The following CYP24A1 variants were observed in gnomAD, a reference collection of about 807,000 sequenced individuals.
CYP24A1 encodes the protein 1,25-dihydroxyvitamin D(3) 24-hydroxylase, mitochondrial.
Under a neutral mutation model 62.4 loss-of-function variants are expected in CYP24A1, and 68 were observed. That is an observed-to-expected ratio of 1.09 (90% confidence interval 0.90 to 1.33). The LOEUF is 1.33. Ranked by LOEUF, CYP24A1 falls within the 40% of genes most tolerant of loss-of-function variation. The pLI is 0.00. For missense variants in CYP24A1, 787 were observed against 653.0 expected, an observed-to-expected ratio of 1.21 and a Z score of -2.24; for synonymous variants, 267 against 253.0, an observed-to-expected ratio of 1.06 and a Z score of -0.52.
chr20:54,165,241 A>C (rs999969900), intron 5 of CYP24A1, among the ~76,000 whole-genome samples: 13 of 152,254 alleles, frequency 8.5e-5, no homozygotes, highest in African/African-American at 2.9e-4. Flanking sequence ...CAATGGCTGC[A>C]TTAGATTCTT....
chr20:54,155,634 G>T (rs1378076633), intron 11 of CYP24A1, among the ~76,000 whole-genome samples: 5 of 151,784 alleles, frequency 3.3e-5, no homozygotes, highest in Non-Finnish European at 7.4e-5. Flanking sequence ...CTACTCGGGA[G>T]GCTGAGGCAG....
chr20:54,155,093 G>A (rs2092622827), intron 11 of CYP24A1, among the ~76,000 whole-genome samples: 1 of 151,870 alleles, frequency 6.6e-6, no homozygotes, highest in Non-Finnish European at 1.5e-5. Context: ...AAACATGCAT[G>A]CTCTTTGCTG....
Position 54,171,558 on chromosome 20 carries a change from C to A in CYP24A1, c.543+19G>T. ...TATGTCCCCACGAGCCCCAGGAAAGCTGGCCCCAGCCTGCAGACCTCATTG... is the reference window on the plus strand; with the variant it reads ...TATGTCCCCACGAGCCCCAGGAAAGATGGCCCCAGCCTGCAGACCTCATTG... On this transcript the variant is annotated intron_variant, in intron 3 of 11. Coordinates refer to ENST00000216862, the MANE Select transcript of CYP24A1 (RefSeq NM_000782.5). 6.2e-7 allele frequency: 1 copy of A among 1,613,914 alleles called. No individual in the cohort carries two copies. Among genetic ancestry groups the A allele is most frequent in the Non-Finnish European group, 8.5e-7 (1 of 1,179,848 alleles).
intron 8 of CYP24A1, among the ~76,000 whole-genome samples, chr20:54,158,720 A>G (rs890283397): frequency 6.6e-6 from 1 of 152,240 alleles, no homozygotes; most frequent in Admixed American, 6.5e-5. Flanking sequence ...TCATTAGAGT[A>G]GCAAGATTAT....
chr20:54,171,963 G>C, intron 2 of CYP24A1: 1 of 530,738 alleles, frequency 1.9e-6, no homozygotes, highest in Non-Finnish European at 3.1e-6. Flanking sequence ...CTTGCAGGGA[G>C]TGGGGCTGGG....
chr20:54,151,307 A>G (rs1601116651), downstream of CYP24A1, among the ~76,000 whole-genome samples: 1 of 152,116 alleles, frequency 6.6e-6, no homozygotes, highest in East Asian at 1.9e-4. Flanking sequence ...GCCTTTTAGC[A>G]TGTTAATACA....
chr20:54,143,704 A>G, the CYP24A1 span, among the ~76,000 whole-genome samples: 1 of 151,382 alleles, frequency 6.6e-6, no homozygotes, highest in Non-Finnish European at 1.5e-5. Flanking sequence ...AAAGAAGGAT[A>G]AACAAAAAGA....
At position 54,172,897 on chromosome 20, in the gene CYP24A1, G is replaced by T; in HGVS notation, c.449+12C>A. The T allele has an allele frequency of 6.2e-7, 1 of 1,613,584 alleles. No homozygotes were observed. ...TCTGGCCGCATGCCCAGGTCCCTCG[G>T]ATTGGACTCACAGGATCAGCAGCCC... On this transcript the variant is annotated intron_variant, in intron 2 of 11. Transcript: ENST00000216862.
downstream of CYP24A1, among the ~76,000 whole-genome samples, chr20:54,149,163 C>A (rs2092608893): frequency 1.3e-5 from 2 of 152,162 alleles, no homozygotes; most frequent in African/African-American, 4.8e-5. Flanking sequence ...ATGTTTACAA[C>A]CACCATTTAT....
rs138489641 is a variant in CYP24A1, at chr20:54,169,606, T to C, written c.626A>G (p.Lys209Arg). The change falls in exon 4 of 12, where the codon AAA becomes AGA. Residue 209 changes from lysine to arginine, a missense_variant. Lys to Arg is a conservative substitution (Grantham distance 26). Coordinates refer to ENST00000216862, the MANE Select transcript of CYP24A1 (RefSeq NM_000782.5). Reference protein sequence around the residue: ...HVEDLYSELNKWSFESICLVL... With the variant: ...HVEDLYSELNRWSFESICLVL... ...CGACAACTTACTTTCAAACGACCATTTGTTCAGTTCGCTGTACAAGTCTTC... is the reference window on the plus strand; with the variant it reads ...CGACAACTTACTTTCAAACGACCATCTGTTCAGTTCGCTGTACAAGTCTTC... 2 of 1,614,052 alleles carry C rather than the reference T, an allele frequency of 1.2e-6. No individual in the cohort carries two copies. The highest frequency in any genetic ancestry group is 2.7e-5 in the African/African-American group (2 of 74,938).
At chr20:54,157,892 A>G (rs780366269) in intron 9 of CYP24A1, among the ~76,000 whole-genome samples, 194 bp downstream of exon 9, 7 of 152,260 alleles carry the variant, frequency 4.6e-5, no homozygotes, top group Non-Finnish European at 8.8e-5. Context: ...TAAAAGATGA[A>G]ACTGAATGCA....
At position 54,158,191 on chromosome 20, in the gene CYP24A1, A is replaced by C. The variant is rs769322331; in HGVS notation, c.1158-27T>G. ...TGAAAAGATAAAATCAAAGATGTAA[A>C]GGTGAGCACAGTCTAAGTTCTCTCT... On this transcript the variant is annotated intron_variant, in intron 8 of 11. Transcript: ENST00000216862. 3.4e-5 allele frequency: 55 copies of C among 1,612,768 alleles called. No individual in the cohort carries two copies. The East Asian group carries it at 1.0e-3, about 29-fold the overall frequency.
intron 4 of CYP24A1, among the ~76,000 whole-genome samples, chr20:54,166,798 C>T (rs938455472): frequency 2.0e-5 from 3 of 151,808 alleles, no homozygotes; most frequent in African/African-American, 7.3e-5. Flanking sequence ...TCAGGAGGCT[C>T]GGGCAGGCAG....
Position 54,173,120 on chromosome 20 carries a change from C to A in CYP24A1, c.259-21G>T, listed in dbSNP as rs201884477. 2.9e-4 allele frequency: 468 copies of A among 1,600,486 alleles called. 8 individuals are homozygous for A. In the South Asian group the frequency reaches 5.0e-3, roughly 17 times the overall value. ...TCCACCTGCAGCCGGCCGGGCACAGCGCGGTGTCAGCGCGCATCCTCCGCC... is the reference window on the plus strand; with the variant it reads ...TCCACCTGCAGCCGGCCGGGCACAGAGCGGTGTCAGCGCGCATCCTCCGCC... On this transcript the variant is annotated intron_variant, in intron 1 of 11. Coordinates refer to ENST00000216862, the MANE Select transcript of CYP24A1 (RefSeq NM_000782.5). The surrounding 1 kb of genome is among the most constrained non-coding windows in gnomAD (Gnocchi z 7.2).
intron 2 of CYP24A1, 119 bp downstream of exon 2, chr20:54,172,790 C>T (rs1601149822): frequency 1.3e-6 from 2 of 1,562,996 alleles, no homozygotes; most frequent in African/African-American, 2.7e-5. Flanking sequence ...CTTTGGTATC[C>T]GCCCTACGTA....
chr20:54,171,454 C>T, intron 3 of CYP24A1, 123 bp downstream of exon 3: 1 of 1,584,546 alleles, frequency 6.3e-7, no homozygotes. Context: ...AAGAGAAGAC[C>T]CCCACTTTGA....
At chr20:54,172,789 C>T in intron 2 of CYP24A1, 120 bp downstream of exon 2, 2 of 1,561,814 alleles carry the variant, frequency 1.3e-6, no homozygotes. Context: ...GCTTTGGTAT[C>T]CGCCCTACGT....
At chr20:54,160,483 C>T (rs1478170231) in intron 7 of CYP24A1, among the ~76,000 whole-genome samples, 1 of 152,218 alleles carries the variant, frequency 6.6e-6, no homozygotes, top group East Asian at 1.9e-4. Context: ...AAATGAGCAC[C>T]AAGTGCAAGA....
rs59241115 is a variant in CYP24A1, at chr20:54,157,303, G to A, written c.1435-14C>T. On this transcript the variant is annotated splice_polypyrimidine_tract_variant and intron_variant, in intron 10 of 11. Transcript: ENST00000216862. ...TTTGCGGACAATCTGTAATGCACAC[G>A]CACACAAAAACAGAATTACCCCTCT... 5.0e-4 allele frequency: 778 copies of A among 1,541,488 alleles called. 3 individuals are homozygous for A. The African/African-American group carries it at 9.4e-3, about 19-fold the overall frequency.
Sources: gnomAD v4.1 joint callset for allele counts (sites outside exome capture counted in the v4.1 genomes callset) on GRCh38, gnomAD v4.1.1 for gene constraint, Gnocchi (gnomAD v3.1) non-coding constraint, MANE v1.5 for transcripts, NCBI Gene and HGNC (gene_info 2026-07-23, HGNC 2026-07-21) for gene names.